BAIAP2L1: variants seen among roughly 807,000 people sequenced by gnomAD.
The protein encoded by BAIAP2L1 is BAR/IMD domain-containing adapter protein 2-like 1.
In BAIAP2L1, 35 loss-of-function variants were observed where a neutral mutation model predicts 66.3. That is an observed-to-expected ratio of 0.53 (90% CI 0.40 to 0.70). BAIAP2L1 has a LOEUF of 0.70. BAIAP2L1 is among the 30% of genes least tolerant of loss of function. The pLI is 0.00. For synonymous variants in BAIAP2L1, 269 were observed against 248.7 expected, an observed-to-expected ratio of 1.08 and a Z score of -0.77; for missense variants, 622 against 656.9, an observed-to-expected ratio of 0.95 and a Z score of 0.58.
At chr7:98,388,498 C>CAA (rs1239721400) in intron 1 of BAIAP2L1, among the ~76,000 whole-genome samples, 1 of 151,602 alleles carries the variant, frequency 6.6e-6, no homozygotes, top group Non-Finnish European at 1.5e-5. Flanking sequence ...CTCTCAAAAA[C>CAA]AAAACAAAAC....
intron 3 of BAIAP2L1, among the ~76,000 whole-genome samples, chr7:98,334,882 G>C (rs988184002): frequency 6.9e-6 from 1 of 144,354 alleles, no homozygotes; most frequent in African/African-American, 2.5e-5. Context: ...GGGCGTGGTG[G>C]CTCACGCCTG....
chr7:98,317,303 C>T lies in BAIAP2L1; in HGVS notation c.402G>A (p.Glu134=), dbSNP rs1465690466. 6.2e-7 allele frequency: 1 copy of T among 1,614,192 alleles called. No homozygotes were observed. Among genetic ancestry groups the T allele is most frequent in the Non-Finnish European group, 8.5e-7 (1 of 1,180,014 alleles). Residue 134 remains glutamate (E), a synonymous_variant, in exon 6 of 14, where the codon GAG becomes GAA. Transcript: ENST00000005260. ...TEHKNKLESL[E]KSQAELKKIR... is the part of the protein sequence containing the mutation. ...TCTTCTTCAACTCAGCTTGGGATTT[C>T]TCCAAAGACTCTAATTTATTCTTGT...
intron 12 of BAIAP2L1, among the ~76,000 whole-genome samples, chr7:98,296,939 T>C (rs898328797): frequency 6.6e-6 from 1 of 152,214 alleles, no homozygotes; most frequent in African/African-American, 2.4e-5. Context: ...TCACTGAACA[T>C]AGACCTGCCC....
intron 12 of BAIAP2L1, among the ~76,000 whole-genome samples, chr7:98,303,174 C>T (rs1350881945): frequency 6.6e-6 from 1 of 152,202 alleles, no homozygotes. Context: ...GGTCTACGTT[C>T]CCAGACTCCT....
At chr7:98,336,590 T>G (rs938035811) in intron 3 of BAIAP2L1, among the ~76,000 whole-genome samples, 2 of 152,192 alleles carry the variant, frequency 1.3e-5, no homozygotes, top group Non-Finnish European at 2.9e-5. Flanking sequence ...CACTCCAGCC[T>G]GGGCAACACA....
chr7:98,303,264 G>T (rs1266414711), intron 12 of BAIAP2L1, among the ~76,000 whole-genome samples: 1 of 152,126 alleles, frequency 6.6e-6, no homozygotes, highest in African/African-American at 2.4e-5. Flanking sequence ...CCACACCTGG[G>T]CACCACTCAC....
At chr7:98,332,704 G>T (rs371140346) in intron 3 of BAIAP2L1, among the ~76,000 whole-genome samples, 6 of 150,314 alleles carry the variant, frequency 4.0e-5, no homozygotes, top group African/African-American at 1.5e-4. Context: ...AGCTACTCAG[G>T]AGGCTAAGGC....
intron 3 of BAIAP2L1, among the ~76,000 whole-genome samples, chr7:98,342,518 G>C (rs1478376021): frequency 1.3e-5 from 2 of 152,210 alleles, no homozygotes; most frequent in Admixed American, 6.5e-5. Context: ...CCCTGATAGT[G>C]AGGAGATAAA....
At chr7:98,353,184 T>A (rs1234667144) in intron 3 of BAIAP2L1, among the ~76,000 whole-genome samples, 1 of 151,442 alleles carries the variant, frequency 6.6e-6, no homozygotes, top group East Asian at 1.9e-4. Flanking sequence ...AACTTCTGCA[T>A]GTAACTGAGT....
At chr7:98,380,802 C>A (rs1249695061) in intron 1 of BAIAP2L1, among the ~76,000 whole-genome samples, 1 of 150,550 alleles carries the variant, frequency 6.6e-6, no homozygotes, top group Admixed American at 6.6e-5. Flanking sequence ...CCACCACCAT[C>A]GCCACCACCC....
intron 3 of BAIAP2L1, among the ~76,000 whole-genome samples, chr7:98,344,132 G>A (rs953666036): frequency 1.3e-5 from 2 of 152,048 alleles, no homozygotes; most frequent in Admixed American, 6.6e-5. Context: ...AGCTGAGATC[G>A]CGCCACTGGC....
intron 2 of BAIAP2L1, among the ~76,000 whole-genome samples, chr7:98,359,022 G>T (rs1423318897): frequency 6.6e-6 from 1 of 152,188 alleles, no homozygotes; most frequent in Non-Finnish European, 1.5e-5. Context: ...ACTGAGTGAG[G>T]ACAGAGTCTG....
intron 3 of BAIAP2L1, among the ~76,000 whole-genome samples, chr7:98,337,173 G>A (rs1801634499): frequency 2.0e-5 from 3 of 152,116 alleles, no homozygotes; most frequent in African/African-American, 7.2e-5. Flanking sequence ...GCTGGAAAGT[G>A]TGTGGCACAT....
At chr7:98,395,387 C>A (rs1803178261) in intron 1 of BAIAP2L1, among the ~76,000 whole-genome samples, 1 of 147,390 alleles carries the variant, frequency 6.8e-6, no homozygotes, top group Non-Finnish European at 1.5e-5. Flanking sequence ...TGCAGTGAGC[C>A]AAGACTGAGC....
At chr7:98,339,406 C>G (rs528573663) in intron 3 of BAIAP2L1, among the ~76,000 whole-genome samples, 1 of 152,176 alleles carries the variant, frequency 6.6e-6, no homozygotes, top group Non-Finnish European at 1.5e-5. Context: ...GGCACTCTTA[C>G]TTTTAACAGT....
intron 12 of BAIAP2L1, among the ~76,000 whole-genome samples, chr7:98,294,461 G>A (rs964876000): frequency 2.6e-5 from 4 of 152,222 alleles, no homozygotes; most frequent in African/African-American, 7.2e-5. Context: ...GTGTCAGAGC[G>A]TGAACAGAGC....
At chr7:98,348,659 T>C (rs1406851040) in intron 3 of BAIAP2L1, among the ~76,000 whole-genome samples, 1 of 151,942 alleles carries the variant, frequency 6.6e-6, no homozygotes, top group Non-Finnish European at 1.5e-5. Context: ...ATGAAGAAAA[T>C]TGTCACTGTT....
chr7:98,294,011 C>A lies in BAIAP2L1; in HGVS notation c.1460+63G>T, dbSNP rs371507314. 3 of 1,568,514 alleles carry A rather than the reference C, an allele frequency of 1.9e-6. No homozygotes were observed. The East Asian group carries it at 6.7e-5, about 35-fold the overall frequency. On this transcript the variant is annotated intron_variant, in intron 13 of 13. Coordinates refer to ENST00000005260, the MANE Select transcript of BAIAP2L1 (RefSeq NM_018842.5). ...CTGGGCTGGGCACCGAAGGCCCTTCCGGGGGACACTACAGGGAAGAGCAAT... is the reference window on the plus strand; with the variant it reads ...CTGGGCTGGGCACCGAAGGCCCTTCAGGGGGACACTACAGGGAAGAGCAAT...
At position 98,362,382 on chromosome 7, in the gene BAIAP2L1, C is replaced by A. The variant is rs758765835; in HGVS notation, c.102G>T (p.Gly34=). Reference sequence around the variant, plus strand: ...CGTTTACAGCTTTCTCATAATTTTTCCCCAGGTTTATTAAATTTCGCAGCC... The same window carrying A: ...CGTTTACAGCTTTCTCATAATTTTTACCCAGGTTTATTAAATTTCGCAGCC... ...NPGLRNLINL[G]KNYEKAVNAM... The change falls in exon 2 of 14, where the codon GGG becomes GGT. Residue 34 remains glycine, a synonymous_variant. Transcript: ENST00000005260. 1.9e-6 allele frequency: 3 copies of A among 1,612,514 alleles called. No individual in the cohort carries two copies. The highest frequency in any genetic ancestry group is 1.7e-6 in the Non-Finnish European group (2 of 1,179,144).
Sources: allele counts gnomAD v4.1 joint callset (sites outside exome capture counted in the v4.1 genomes callset), GRCh38; gene constraint gnomAD v4.1.1; transcripts MANE v1.5; gene names NCBI Gene and HGNC (gene_info 2026-07-23, HGNC 2026-07-21).